Variants in PTPN2 observed in about 807,000 individuals in gnomAD.
PTPN2 encodes protein tyrosine phosphatase non-receptor type 2.
Under a neutral mutation model 57.3 loss-of-function variants are expected in PTPN2, and 19 were observed. The ratio of observed to expected loss-of-function variants is 0.33; its 90% confidence interval spans 0.23 to 0.49. The LOEUF (loss-of-function observed/expected upper bound fraction) is 0.49. PTPN2 is among the 20% of genes least tolerant of loss of function. The pLI, the probability that PTPN2 is intolerant of heterozygous loss-of-function variation, is 0.99. For synonymous variants in PTPN2, 153 were observed against 164.9 expected (o/e 0.93, Z 0.55); for missense variants, 358 against 501.1 (o/e 0.71, Z 2.73).
At chr18:12,798,143 A>G (rs534525064) in intron 8 of PTPN2, among the ~76,000 whole-genome samples, 21 of 152,350 alleles carry the variant, frequency 1.4e-4, no homozygotes, top group Middle Eastern at 3.4e-3. Context: ...AAGAAATAGC[A>G]TCACAACAGA....
At chr18:12,868,091 G>A (rs773690665) in intron 1 of PTPN2, among the ~76,000 whole-genome samples, 1 of 152,218 alleles carries the variant, frequency 6.6e-6, no homozygotes, top group Non-Finnish European at 1.5e-5. Flanking sequence ...CCCTTCTCTA[G>A]TGTGAAGTAA....
At chr18:12,832,762 C>T (rs529209489) in intron 3 of PTPN2, among the ~76,000 whole-genome samples, 47 of 152,312 alleles carry the variant, frequency 3.1e-4, no homozygotes, top group African/African-American at 1.0e-3. Flanking sequence ...ACAACCCATG[C>T]CATTCCACTG....
At chr18:12,824,840 C>A (rs1439622703) in intron 5 of PTPN2, among the ~76,000 whole-genome samples, 1 of 152,088 alleles carries the variant, frequency 6.6e-6, no homozygotes, top group Non-Finnish European at 1.5e-5. Context: ...AACCTCAACA[C>A]TTTGGGAGGC....
chr18:12,790,131 G>A (rs1598720006), downstream of PTPN2, among the ~76,000 whole-genome samples: 1 of 151,840 alleles, frequency 6.6e-6, no homozygotes, highest in South Asian at 2.1e-4. Flanking sequence ...AGAGACCCAG[G>A]CTGATCTTGA....
intron 5 of PTPN2, among the ~76,000 whole-genome samples, chr18:12,820,240 T>G (rs2042225313): frequency 6.6e-6 from 1 of 151,384 alleles, no homozygotes. Context: ...AATAGATTTT[T>G]GAAAATCAGT....
At chr18:12,857,089 G>C (rs1182443884) in intron 2 of PTPN2, among the ~76,000 whole-genome samples, 1 of 146,434 alleles carries the variant, frequency 6.8e-6, no homozygotes, top group Non-Finnish European at 1.5e-5. Flanking sequence ...ATCCCATTTA[G>C]ATCAATTCGA....
rs1267137559 is a variant in PTPN2, at chr18:12,794,227, T to C, written c.*51A>G. 1.9e-6 allele frequency: 3 copies of C among 1,610,938 alleles called. No individual in the cohort carries two copies. Among genetic ancestry groups the C allele is most frequent in the Non-Finnish European group, 2.5e-6 (3 of 1,178,584 alleles). On this transcript the variant is annotated 3_prime_UTR_variant, in exon 9 of 9. Transcript: ENST00000309660. ...GCTGCAGACAAACCCCTATGATTAA[T>C]GTAGCACTGTCAGTTACTAGTGCAG...
intron 2 of PTPN2, among the ~76,000 whole-genome samples, chr18:12,844,489 C>A (rs2145423713): frequency 6.6e-6 from 1 of 152,326 alleles, no homozygotes; most frequent in South Asian, 2.1e-4. Flanking sequence ...AGTGACATCC[C>A]ACCACCATGA....
At chr18:12,839,301 C>T (rs2042969022) in intron 2 of PTPN2, among the ~76,000 whole-genome samples, 1 of 152,182 alleles carries the variant, frequency 6.6e-6, no homozygotes. Context: ...GGTCTCTTTT[C>T]CCTGCCCAGA....
chr18:12,831,102 G>GA, intron 3 of PTPN2, 61 bp from the exon 4 acceptor site: 1 of 1,242,256 alleles, frequency 8.0e-7, no homozygotes, highest in Non-Finnish European at 1.2e-6. Context: ...AAGGCTCCAG[G>GA]AAGGCCTTGT....
intron 2 of PTPN2, among the ~76,000 whole-genome samples, chr18:12,840,335 G>A (rs2043002321): frequency 6.6e-6 from 1 of 152,156 alleles, no homozygotes; most frequent in African/African-American, 2.4e-5. Context: ...ATCGAGCAAT[G>A]AACCAAAAAC....
At chr18:12,827,943 T>C (rs1172150586) in intron 4 of PTPN2, among the ~76,000 whole-genome samples, 4 of 152,140 alleles carry the variant, frequency 2.6e-5, no homozygotes, top group African/African-American at 9.7e-5. Context: ...ATCATGTACC[T>C]GTAAAAACTG....
intron 9 of PTPN2, chr18:12,786,693 A>G (rs1258558322): frequency 6.6e-6 from 1 of 152,218 alleles, no homozygotes; most frequent in Non-Finnish European, 1.5e-5. Context: ...CTTCACATAT[A>G]TATTAAGAAA....
chr18:12,828,601 A>G lies in PTPN2; in HGVS notation c.360+2342T>C, dbSNP rs137973933. Among the ~76,000 whole-genome samples, 805 of 152,290 alleles carry G rather than the reference A, an allele frequency of 5.3e-3. 5 individuals carry two copies. Among genetic ancestry groups the G allele is most frequent in the African/African-American group, 0.019 (772 of 41,556 alleles). On this transcript the variant is annotated intron_variant, in intron 4 of 8. Transcript: ENST00000309660. ...CTTGGTATGAAAAAGGAAATAGCAG[A>G]TGTAAGATGGAAGGGGCTAAGCAAC...
intron 5 of PTPN2, among the ~76,000 whole-genome samples, chr18:12,817,951 G>C (rs2145320267): frequency 1.3e-5 from 2 of 152,230 alleles, no homozygotes; most frequent in Middle Eastern, 6.8e-3. Context: ...GACCAGCCTG[G>C]CCAACATGGT....
intron 8 of PTPN2, 56 bp from the exon 9 acceptor site, chr18:12,794,541 C>T: frequency 6.3e-7 from 1 of 1,583,258 alleles, no homozygotes; most frequent in Non-Finnish European, 8.5e-7. Context: ...GACTTGAGTA[C>T]TCTAACACAG....
At chr18:12,883,256 C>T (rs2044724417) in intron 1 of PTPN2, among the ~76,000 whole-genome samples, 1 of 152,130 alleles carries the variant, frequency 6.6e-6, no homozygotes, top group South Asian at 2.1e-4. Context: ...GAAAGTATAC[C>T]TCAGTAAGGA....
At chr18:12,872,285 G>C (rs1195824457) in intron 1 of PTPN2, 2 of 152,058 alleles carry the variant, frequency 1.3e-5, no homozygotes, top group African/African-American at 4.8e-5. Flanking sequence ...ATGAGAAATT[G>C]ATAGCTTTCA....
intron 1 of PTPN2, among the ~76,000 whole-genome samples, chr18:12,872,002 C>A (rs546971268): frequency 6.6e-6 from 1 of 151,362 alleles, no homozygotes; most frequent in Non-Finnish European, 1.5e-5. Flanking sequence ...AAGCCGAGAT[C>A]GTGCCGTAGC....
Sources: gnomAD v4.1 joint callset for allele counts (sites outside exome capture counted in the v4.1 genomes callset) on GRCh38, gnomAD v4.1.1 for gene constraint, MANE v1.5 for transcripts, NCBI Gene and HGNC (gene_info 2026-07-23, HGNC 2026-07-21) for gene names.